The following DNAH12 variants were observed in gnomAD, a reference collection of about 807,000 sequenced individuals.
DNAH12 encodes the protein dynein axonemal heavy chain 12, also known as axonemal beta dynein heavy chain 12.
In DNAH12, 285 loss-of-function variants were observed where a neutral mutation model predicts 371.5. That is an observed-to-expected ratio of 0.77 (90% CI 0.70 to 0.85). DNAH12 has a LOEUF of 0.85. Among genes scored for constraint, DNAH12 ranks in the 40% least tolerant of loss-of-function variants. The pLI is 0.00. For synonymous variants in DNAH12, 1,200 were observed against 1,213.0 expected (o/e 0.99, Z 0.22); for missense variants, 3,611 against 3,689.4 (o/e 0.98, Z 0.55).
At chr3:57,415,398 AG>A in intron 38 of DNAH12, 27 bp downstream of exon 38, 1 of 1,541,526 alleles carries the variant, frequency 6.5e-7, no homozygotes, top group Non-Finnish European at 8.7e-7. Context: ...AATTAACGAT[AG>A]ACCCCCATTT....
intron 39 of DNAH12, among the ~76,000 whole-genome samples, chr3:57,409,323 C>G (rs1553682327): frequency 6.6e-6 from 1 of 152,018 alleles, no homozygotes; most frequent in Non-Finnish European, 1.5e-5. Flanking sequence ...TAAAAGCATG[C>G]TAGAAAGTAT....
chr3:57,342,651 CAA>C (rs71088061), intron 60 of DNAH12, among the ~76,000 whole-genome samples: 2 of 35,072 alleles, frequency 5.7e-5, no homozygotes, highest in African/African-American at 2.5e-4. Context: ...GACTGAGACT[CAA>C]AAAAAAAAAA....
chr3:57,505,411 C>T (rs1282182225), intron 8 of DNAH12, among the ~76,000 whole-genome samples: 1 of 151,904 alleles, frequency 6.6e-6, no homozygotes, highest in African/African-American at 2.4e-5. Flanking sequence ...TATATGCAAA[C>T]CCTAATTTTG....
At chr3:57,331,029 T>C (rs903808915) in intron 62 of DNAH12, among the ~76,000 whole-genome samples, 1 of 152,236 alleles carries the variant, frequency 6.6e-6, no homozygotes, top group Non-Finnish European at 1.5e-5. Flanking sequence ...ACTTAATTCA[T>C]AGACATTTGT....
intron 45 of DNAH12, among the ~76,000 whole-genome samples, chr3:57,390,424 A>AAAAAAAAAATATATATATATATATAT: frequency 1.5e-4 from 5 of 33,432 alleles, no homozygotes; most frequent in Non-Finnish European, 2.1e-4. Context: ...AAAAAAAAAA[A>AAAAAAAAAATATATATATATATATAT]ATATATATAT....
At chr3:57,440,270 A>C (rs183975048) in intron 29 of DNAH12, among the ~76,000 whole-genome samples, 14 of 152,360 alleles carry the variant, frequency 9.2e-5, no homozygotes, top group Non-Finnish European at 1.5e-5. Context: ...AAGACATGGA[A>C]TCAACCTAGG....
At chr3:57,408,223 G>A in intron 40 of DNAH12, 57 bp downstream of exon 40, 2 of 1,436,416 alleles carry the variant, frequency 1.4e-6, no homozygotes, top group South Asian at 1.6e-5. Flanking sequence ...AATAAAATAA[G>A]CGCCAAATGA....
intron 34 of DNAH12, among the ~76,000 whole-genome samples, chr3:57,426,089 C>T (rs6764985): frequency 0.54 from 81,264 of 151,658 alleles, 22,504 homozygotes; most frequent in African/African-American, 0.68. Flanking sequence ...TGTAAGTTTG[C>T]CAGGTGAACA....
At chr3:57,301,976 T>C in intron 69 of DNAH12, 37 bp from the exon 70 acceptor site, 2 of 1,538,148 alleles carry the variant, frequency 1.3e-6, no homozygotes, top group Non-Finnish European at 1.8e-6. Context: ...ACATATATGA[T>C]GATATCAACA....
chr3:57,324,673 T>A (rs1401045422), intron 62 of DNAH12, among the ~76,000 whole-genome samples: 19 of 152,148 alleles, frequency 1.2e-4, no homozygotes, highest in African/African-American at 4.3e-4. Context: ...TGCATTTCCA[T>A]CTGAGGTACT....
intron 67 of DNAH12, among the ~76,000 whole-genome samples, chr3:57,310,143 T>C (rs2061556177): frequency 6.6e-6 from 1 of 152,174 alleles, no homozygotes; most frequent in Admixed American, 6.5e-5. Flanking sequence ...TGAGTCTGTA[T>C]AAACAGACCT....
intron 29 of DNAH12, 28 bp from the exon 30 acceptor site, chr3:57,437,088 T>C (rs2065151121): frequency 7.2e-7 from 1 of 1,379,900 alleles, no homozygotes; most frequent in Non-Finnish European, 9.8e-7. Flanking sequence ...AATGCATTTC[T>C]ACAACACAAT....
At chr3:57,308,648 AC>A (rs1429843846) in intron 69 of DNAH12, among the ~76,000 whole-genome samples, 2 of 152,126 alleles carry the variant, frequency 1.3e-5, no homozygotes, top group African/African-American at 4.8e-5. Context: ...CTGCCGGTTT[AC>A]ACTGTTTTCC....
intron 17 of DNAH12, among the ~76,000 whole-genome samples, chr3:57,467,058 A>G: frequency 6.6e-6 from 1 of 152,116 alleles, no homozygotes; most frequent in African/African-American, 2.4e-5. Flanking sequence ...CGCTATACCC[A>G]GCCTGCTTCC....
intron 59 of DNAH12, 97 bp from the exon 60 acceptor site, chr3:57,352,322 C>T: frequency 7.7e-7 from 1 of 1,296,926 alleles, no homozygotes; most frequent in South Asian, 1.5e-5. Context: ...ATGAAAGTAT[C>T]ACTATTAAAA....
At chr3:57,513,087 G>A (rs1052781186) in intron 4 of DNAH12, among the ~76,000 whole-genome samples, 7 of 150,894 alleles carry the variant, frequency 4.6e-5, no homozygotes, top group East Asian at 1.9e-4. Flanking sequence ...GCAGTGAGCC[G>A]AGATCGCACC....
At chr3:57,518,668 A>C (rs1334951205) in intron 4 of DNAH12, among the ~76,000 whole-genome samples, 3 of 152,212 alleles carry the variant, frequency 2.0e-5, no homozygotes, top group Admixed American at 1.3e-4. Context: ...TTGGGAACTA[A>C]GCATATGGGA....
intron 13 of DNAH12, among the ~76,000 whole-genome samples, chr3:57,474,969 T>G (rs2066478107): frequency 1.1e-5 from 1 of 88,108 alleles, no homozygotes; most frequent in South Asian, 4.9e-4. Flanking sequence ...AGCGAGACTC[T>G]TTCTCAAAAA....
intron 37 of DNAH12, among the ~76,000 whole-genome samples, chr3:57,417,693 G>A (rs986371150): frequency 6.6e-6 from 1 of 152,104 alleles, no homozygotes; most frequent in Non-Finnish European, 1.5e-5. Context: ...AATTGTTACA[G>A]TATCTCAAAA....
Sources: allele counts gnomAD v4.1 joint callset (sites outside exome capture counted in the v4.1 genomes callset), GRCh38; gene constraint gnomAD v4.1.1; transcripts MANE v1.5; gene names NCBI Gene and HGNC (gene_info 2026-07-23, HGNC 2026-07-21).